SEPTIN7: variants seen among roughly 807,000 people sequenced by gnomAD.
SEPTIN7 encodes septin-7.
In SEPTIN7, 10 loss-of-function variants were observed where a neutral mutation model predicts 63.3. The ratio of observed to expected loss-of-function variants is 0.16; its 90% CI spans 0.10 to 0.27. The LOEUF (loss-of-function observed/expected upper bound fraction) is 0.27, where lower values mean the gene tolerates loss of function less well. Ranked by LOEUF, SEPTIN7 falls within the 10% of genes least tolerant of loss-of-function variation. The pLI is 1.00. For synonymous variants in SEPTIN7, 131 were observed against 165.3 expected (o/e 0.79, Z 1.59); for missense variants, 310 against 521.0 (o/e 0.59, Z 3.94).
chr7:35,845,285 T>C (rs867615694), intron 3 of SEPTIN7, among the ~76,000 whole-genome samples: 1 of 151,796 alleles, frequency 6.6e-6, no homozygotes, highest in African/African-American at 2.4e-5. Context: ...TAAATGTTAA[T>C]TTTAAACATA....
At position 35,906,944 on chromosome 7, in the gene SEPTIN7, C is replaced by T. The variant is rs1788634434; in HGVS notation, c.*2651C>T. On this transcript the variant is annotated 3_prime_UTR_variant, in exon 14 of 14. Coordinates refer to ENST00000350320, the MANE Select transcript of SEPTIN7 (RefSeq NM_001788.6). ...TTGACTCAGTTATCTAGATCATGGTCTCCAAACCTGATGCTATTTCCTTAC... is the reference window on the plus strand; with the variant it reads ...TTGACTCAGTTATCTAGATCATGGTTTCCAAACCTGATGCTATTTCCTTAC... 1 of 152,216 alleles carries T rather than the reference C, an allele frequency of 6.6e-6. No individual in the cohort carries two copies. The highest frequency in any genetic ancestry group is 1.5e-5 in the Non-Finnish European group (1 of 68,042). 9.4% of individuals were successfully genotyped at this position (152,216 alleles called of 1,614,324 possible).
chr7:35,897,676 A>G (rs1788034498), intron 11 of SEPTIN7, among the ~76,000 whole-genome samples: 1 of 152,140 alleles, frequency 6.6e-6, no homozygotes, highest in Non-Finnish European at 1.5e-5. Context: ...AGTAGAATGA[A>G]TTTTCAAGAG....
At chr7:35,832,113 G>A (rs1404299296) in intron 2 of SEPTIN7, 5 of 453,240 alleles carry the variant, frequency 1.1e-5, no homozygotes, top group Non-Finnish European at 2.2e-5. Context: ...CTATTGTTGA[G>A]GTCATCTAGG....
At chr7:35,839,174 A>T (rs1490962394) in intron 3 of SEPTIN7, among the ~76,000 whole-genome samples, 1 of 152,204 alleles carries the variant, frequency 6.6e-6, no homozygotes, top group Non-Finnish European at 1.5e-5. Flanking sequence ...CTTTTTGAAA[A>T]GGATATTTTT....
intron 3 of SEPTIN7, among the ~76,000 whole-genome samples, chr7:35,859,267 A>G (rs1240616579): frequency 3.9e-5 from 6 of 152,056 alleles, no homozygotes; most frequent in African/African-American, 4.8e-5. Context: ...TCATTGGTTG[A>G]TAAGAATATG....
At chr7:35,828,374 C>T (rs2115852299) in intron 1 of SEPTIN7, among the ~76,000 whole-genome samples, 1 of 152,066 alleles carries the variant, frequency 6.6e-6, no homozygotes, top group South Asian at 2.1e-4. Flanking sequence ...TTGCCTCGAC[C>T]CCCTTCTTCT....
chr7:35,912,479 T>TATGTG, the SEPTIN7 span, among the ~76,000 whole-genome samples: 1 of 152,244 alleles, frequency 6.6e-6, no homozygotes, highest in East Asian at 1.9e-4. Context: ...TGTTAATAAA[T>TATGTG]ATGTGGGTAA....
At chr7:35,890,914 A>C (rs1270176371) in intron 11 of SEPTIN7, 121 bp downstream of exon 11, 5 of 779,750 alleles carry the variant, frequency 6.4e-6, no homozygotes, top group African/African-American at 5.4e-5. Context: ...TTCTTTATGC[A>C]CAGCAGCATA....
the SEPTIN7 span, among the ~76,000 whole-genome samples, chr7:35,912,140 C>A: frequency 6.6e-6 from 1 of 152,212 alleles, no homozygotes; most frequent in African/African-American, 2.4e-5. Context: ...CTCCCAAAAT[C>A]TGGCCATAAA....
intron 11 of SEPTIN7, among the ~76,000 whole-genome samples, chr7:35,892,475 C>T (rs191846844): frequency 3.7e-4 from 56 of 152,084 alleles, no homozygotes; most frequent in East Asian, 1.5e-3. Flanking sequence ...TTAAAAGAAA[C>T]GCATACACAA....
rs1211864999 is a variant in SEPTIN7, at chr7:35,905,319, G to A, written c.*1026G>A. On this transcript the variant is annotated 3_prime_UTR_variant, in exon 14 of 14. Coordinates refer to ENST00000350320, the MANE Select transcript of SEPTIN7 (RefSeq NM_001788.6). ...ATGTTGTGATGTAATATTGTGTGAG[G>A]TCTTAAATATCCTACAGTCGATGTA... The A allele has an allele frequency of 6.6e-6, 1 of 152,584 alleles. No individual in the cohort carries two copies. The highest frequency in any genetic ancestry group is 1.5e-5 in the Non-Finnish European group (1 of 68,028). 9.5% of individuals were successfully genotyped at this position (152,584 alleles called of 1,614,324 possible).
chr7:35,864,009 A>T (rs1785662873), intron 4 of SEPTIN7, among the ~76,000 whole-genome samples: 1 of 151,092 alleles, frequency 6.6e-6, no homozygotes, highest in Admixed American at 6.6e-5. Flanking sequence ...TTTGCTCCAG[A>T]TACATTTCAA....
At chr7:35,884,170 T>C (rs930930821) in intron 9 of SEPTIN7, among the ~76,000 whole-genome samples, 183 bp downstream of exon 9, 2 of 152,204 alleles carry the variant, frequency 1.3e-5, no homozygotes, top group African/African-American at 4.8e-5. Flanking sequence ...TTTTCAAACC[T>C]GTATCCTACC....
At chr7:35,909,424 CCATT>C (rs1423636920), downstream of SEPTIN7, among the ~76,000 whole-genome samples, 14 of 152,180 alleles carry the variant, frequency 9.2e-5, no homozygotes, top group African/African-American at 3.4e-4. Flanking sequence ...TCTGTAGTCT[CCATT>C]CAGGTATGAT....
chr7:35,882,939 C>A (rs1786986826), intron 8 of SEPTIN7, among the ~76,000 whole-genome samples: 1 of 151,922 alleles, frequency 6.6e-6, no homozygotes, highest in Non-Finnish European at 1.5e-5. Flanking sequence ...CTATAAAAGC[C>A]AACCAAAATT....
At chr7:35,909,338 G>A (rs1338388855), downstream of SEPTIN7, among the ~76,000 whole-genome samples, 3 of 152,166 alleles carry the variant, frequency 2.0e-5, no homozygotes, top group East Asian at 1.9e-4. Flanking sequence ...CACCTCATTA[G>A]TGCCTATTTA....
chr7:35,907,361 G>A (rs906384814), downstream of SEPTIN7, among the ~76,000 whole-genome samples: 1 of 152,078 alleles, frequency 6.6e-6, no homozygotes, highest in South Asian at 2.1e-4. Flanking sequence ...TCCCATAACT[G>A]TCCTGTTCCA....
rs564707266 is a variant in SEPTIN7, at chr7:35,855,141, G to T, written c.170-8411G>T. ...AGGCATTCCTACGTCAATTTTTTTT[G>T]TGTGTGTAAACAGTACCATGCTATA... On this transcript the variant is annotated intron_variant, in intron 3 of 13. Transcript: ENST00000350320. Among the ~76,000 whole-genome samples the T allele has an allele frequency of 6.3e-3, 949 of 151,468 alleles. 12 individuals are homozygous for T. Among genetic ancestry groups the T allele is most frequent in the Non-Finnish European group, 4.8e-3 (323 of 67,864 alleles).
intron 1 of SEPTIN7, among the ~76,000 whole-genome samples, chr7:35,830,352 A>G (rs1783771722): frequency 6.6e-6 from 1 of 152,206 alleles, no homozygotes; most frequent in South Asian, 2.1e-4. Flanking sequence ...GAGTAGAGCC[A>G]GATCTTGCTA....
Sources: gnomAD v4.1 joint callset for allele counts (sites outside exome capture counted in the v4.1 genomes callset) on GRCh38, gnomAD v4.1.1 for gene constraint, MANE v1.5 for transcripts, NCBI Gene and HGNC (gene_info 2026-07-23, HGNC 2026-07-21) for gene names.